Variants in ZNF442 observed in about 807,000 individuals in gnomAD.
ZNF442 encodes the protein zinc finger protein 442.
Under a neutral mutation model 57.0 loss-of-function variants are expected in ZNF442, and 45 were observed. That is an observed-to-expected ratio of 0.79 (90% CI 0.62 to 1.01). The LOEUF is 1.01. Ranked by LOEUF, ZNF442 falls within the 50% of genes least tolerant of loss-of-function variation. The pLI, the probability that ZNF442 is intolerant of heterozygous loss-of-function variation, is 0.00. For synonymous variants in ZNF442, 213 were observed against 241.8 expected (o/e 0.88, Z 1.10); for missense variants, 690 against 756.5 (o/e 0.91, Z 1.03).
At chr19:12,370,828 C>T (rs552967841), upstream of ZNF442, among the ~76,000 whole-genome samples, 59 of 151,956 alleles carry the variant, frequency 3.9e-4, 1 homozygote, top group African/African-American at 1.4e-3. Context: ...CAAAAATTAT[C>T]TGGGTGTGGT....
Position 12,352,988 on chromosome 19 carries a change from C to G in ZNF442, c.205G>C (p.Gly69Arg). 1 of 1,598,522 alleles carries G rather than the reference C, an allele frequency of 6.3e-7. No individual in the cohort carries two copies. Among genetic ancestry groups the G allele is most frequent in the Non-Finnish European group, 8.5e-7 (1 of 1,175,690 alleles). The change falls in exon 4 of 6, where the codon GGA (glycine) becomes CGA (arginine). Residue 69 changes from glycine (G) to arginine (R), a missense_variant and splice_region_variant. Transcript: ENST00000242804. ...WETIRNLDCI[G>R]MKWEDTNIED... ...AGTGAAGACATAATGTCATTTTTACCTATACAGTCCAGGTTCCTAATGGTT... is the reference window on the plus strand; with the variant it reads ...AGTGAAGACATAATGTCATTTTTACGTATACAGTCCAGGTTCCTAATGGTT...
In ZNF442 at chr19:12,347,892, C is replaced by G. The variant is rs948540315; in HGVS notation, c.*1809G>C. The stretch of plus-strand genomic sequence containing the variant: ...CAACACAAATAAGAGAGCATAAATA[C>G]TAACAAGGAACTCGAAGATATACTG... On this transcript the variant is annotated 3_prime_UTR_variant, in exon 6 of 6. Coordinates refer to ENST00000242804, the MANE Select transcript of ZNF442 (RefSeq NM_030824.3). 7 of 152,104 alleles carry G rather than the reference C, an allele frequency of 4.6e-5. No homozygotes were observed. The highest frequency in any genetic ancestry group is 1.7e-4 in the African/African-American group (7 of 41,408). The allele number at this position is 152,104 out of a possible 1,614,324, so 9.4% of individuals were successfully genotyped here.
chr19:12,364,171 C>T (rs1969491407), intron 2 of ZNF442, among the ~76,000 whole-genome samples: 2 of 151,864 alleles, frequency 1.3e-5, no homozygotes, highest in Admixed American at 1.3e-4. Flanking sequence ...TTTGGGAGGC[C>T]GAGGCGGGCG....
the ZNF442 span, among the ~76,000 whole-genome samples, chr19:12,373,058 C>A: frequency 2.0e-5 from 3 of 152,270 alleles, no homozygotes; most frequent in East Asian, 1.9e-4. Flanking sequence ...AGGTGTCAGC[C>A]ACCGCACCCA....
At position 12,349,695 on chromosome 19, in the gene ZNF442, C is replaced by T; in HGVS notation, c.*6G>A. On this transcript the variant is annotated 3_prime_UTR_variant, in exon 6 of 6. Coordinates refer to ENST00000242804, the MANE Select transcript of ZNF442 (RefSeq NM_030824.3). Reference sequence around the variant, plus strand: ...TGAAATAAAATTAATGAATGCTTTTCCACATTTATAGAGTATCTCTCCAGT... The same window carrying T: ...TGAAATAAAATTAATGAATGCTTTTTCACATTTATAGAGTATCTCTCCAGT... 6.4e-7 allele frequency: 1 copy of T among 1,572,634 alleles called. No homozygotes were observed. Among genetic ancestry groups the T allele is most frequent in the Non-Finnish European group, 8.6e-7 (1 of 1,162,248 alleles).
At position 12,350,358 on chromosome 19, in the gene ZNF442, T is replaced by C. The variant is rs1291906669; in HGVS notation, c.1227A>G (p.Val409=). ...HTGDGPHKCK[V]CGKAFIYPSV... is the part of the protein sequence containing the mutation. ...TGGGATAAATGAAGGCTTTCCCACATACCTTGCATTTGTGAGGTCCATCTC... is the reference window on the plus strand; with the variant it reads ...TGGGATAAATGAAGGCTTTCCCACACACCTTGCATTTGTGAGGTCCATCTC... The change falls in exon 6 of 6, where the codon GTA becomes GTG. Residue 409 remains valine, a synonymous_variant. Transcript: ENST00000242804. The C allele has an allele frequency of 1.2e-6, 2 of 1,613,968 alleles. No individual in the cohort carries two copies. The highest frequency in any genetic ancestry group is 2.2e-5 in the East Asian group (1 of 44,876).
At chr19:12,359,376 G>A (rs1381173344) in intron 3 of ZNF442, among the ~76,000 whole-genome samples, 1 of 152,086 alleles carries the variant, frequency 6.6e-6, no homozygotes, top group Admixed American at 6.6e-5. Context: ...ACAAGCAGCC[G>A]TAAAACAAAA....
chr19:12,367,466 C>T (rs142027931), upstream of ZNF442, among the ~76,000 whole-genome samples: 746 of 152,228 alleles, frequency 4.9e-3, 17 homozygotes, highest in African/African-American at 0.017. Flanking sequence ...TAACAGGAAA[C>T]AGGGTTCGAG....
In ZNF442 at chr19:12,350,854, T is replaced by C. The variant is rs1969220282; in HGVS notation, c.731A>G (p.Lys244Arg). ...ATAGGAACTGTAAATAGGGAAGGCT[T>C]TACAACACTGCTTACATTCATACGG... is the stretch of plus-strand genomic sequence containing the variant. Reference protein sequence around the residue: ...EKPYECKQCCKAFPIYSSYLR... With the variant: ...EKPYECKQCCRAFPIYSSYLR... The change falls in exon 6 of 6, where the codon AAA (lysine) becomes AGA (arginine). Residue 244 changes from lysine (K) to arginine (R), a missense_variant. Transcript: ENST00000242804. The C allele has an allele frequency of 6.2e-7, 1 of 1,613,846 alleles. No individual in the cohort carries two copies. Among genetic ancestry groups the C allele is most frequent in the Non-Finnish European group, 8.5e-7 (1 of 1,179,980 alleles).
At chr19:12,366,431 T>C (rs967032456), upstream of ZNF442, among the ~76,000 whole-genome samples, 6 of 152,188 alleles carry the variant, frequency 3.9e-5, no homozygotes, top group Admixed American at 1.3e-4. Context: ...GCTTAGCAGC[T>C]GAGTCTCAAA....
At chr19:12,358,504 A>T (rs1340648623) in intron 3 of ZNF442, among the ~76,000 whole-genome samples, 4 of 152,206 alleles carry the variant, frequency 2.6e-5, no homozygotes, top group African/African-American at 7.2e-5. Flanking sequence ...AGATAAGTGC[A>T]GGTATCTTTT....
In ZNF442 at chr19:12,350,890, G is replaced by C. The variant is rs371580626; in HGVS notation, c.695C>G (p.Thr232Ser). ...CTTACATTCATACGGTTTCTCTCCA[G>C]TGTGAGTTCTTTCATGCATACGAAA... ...SLFRMHERTHTGEKPYECKQC... is the reference protein window; with the variant it reads ...SLFRMHERTHSGEKPYECKQC... Residue 232 changes from threonine (T) to serine (S), a missense_variant, in exon 6 of 6, where the codon ACT (threonine) becomes AGT (serine). Coordinates refer to ENST00000242804, the MANE Select transcript of ZNF442 (RefSeq NM_030824.3). 18 of 1,614,058 alleles carry C rather than the reference G, an allele frequency of 1.1e-5. No homozygotes were observed. The African/African-American group carries it at 2.1e-4, about 19-fold the overall frequency.
Position 12,350,042 on chromosome 19 carries a change from G to A in ZNF442, c.1543C>T (p.Pro515Ser). ...TTCTTACATGTTTTACATTCATAAG[G>A]TTTTTCAGCCATGTGAGTCCTTCTA... Reference protein sequence around the residue: ...QHRRTHMAEKPYECKTCKKAF... With the variant: ...QHRRTHMAEKSYECKTCKKAF... Residue 515 changes from proline (P) to serine (S), a missense_variant, in exon 6 of 6, where the codon CCT (proline) becomes TCT (serine). Pro to Ser is a moderately conservative substitution (Grantham distance 74, BLOSUM62 -1). Transcript: ENST00000242804. 6.2e-7 allele frequency: 1 copy of A among 1,613,740 alleles called. No individual in the cohort carries two copies. The highest frequency in any genetic ancestry group is 8.5e-7 in the Non-Finnish European group (1 of 1,179,972).
chr19:12,353,821 C>A (rs566488672), intron 3 of ZNF442, among the ~76,000 whole-genome samples: 1 of 152,212 alleles, frequency 6.6e-6, no homozygotes, highest in East Asian at 1.9e-4. Context: ...TTAATCCATT[C>A]TTGGATTAAT....
intron 3 of ZNF442, among the ~76,000 whole-genome samples, chr19:12,362,884 G>GA (rs1165646479): frequency 4.4e-4 from 66 of 149,332 alleles, no homozygotes; most frequent in African/African-American, 1.6e-3. Context: ...TTCTGCCTTG[G>GA]GAAAAAAAAA....
intron 5 of ZNF442, 119 bp from the exon 6 acceptor site, chr19:12,351,437 T>A: frequency 7.9e-6 from 7 of 884,012 alleles, no homozygotes; most frequent in Non-Finnish European, 1.2e-5. Flanking sequence ...CATGCACTGC[T>A]TGAACGTGAA....
rs1969270612 is a variant in ZNF442, at chr19:12,353,051, G to C, written c.142C>G (p.Pro48Ala). The part of the protein sequence containing the change: ...FTQEEWALLG[P>A]SQKSLYRDVM... ...TCTCTGTACAGACTCTTCTGTGATG[G>C]ACCCAGCAAAGCCCACTCTTCCTGG... The change falls in exon 4 of 6, where the codon CCA becomes GCA. Residue 48 changes from proline (P) to alanine (A), a missense_variant. By Grantham distance (27) the Pro-to-Ala change is conservative. Transcript: ENST00000242804. 6.2e-7 allele frequency: 1 copy of C among 1,613,296 alleles called. No homozygotes were observed. Among genetic ancestry groups the C allele is most frequent in the Non-Finnish European group, 8.5e-7 (1 of 1,179,756 alleles).
intron 3 of ZNF442, among the ~76,000 whole-genome samples, chr19:12,353,628 G>A (rs185346623): frequency 1.3e-5 from 2 of 152,170 alleles, no homozygotes; most frequent in East Asian, 1.9e-4. Context: ...CCTTCTCTTC[G>A]GGAGCTTGGA....
upstream of ZNF442, among the ~76,000 whole-genome samples, chr19:12,369,356 C>T (rs943209523): frequency 6.6e-6 from 1 of 152,208 alleles, no homozygotes; most frequent in South Asian, 2.1e-4. Flanking sequence ...CAGTGGCTCA[C>T]GCCTGTAATC....
Sources: allele counts gnomAD v4.1 joint callset (sites outside exome capture counted in the v4.1 genomes callset), GRCh38; gene constraint gnomAD v4.1.1; transcripts MANE v1.5; gene names NCBI Gene and HGNC (gene_info 2026-07-23, HGNC 2026-07-21).